Variants in SEZ6L2 observed in about 807,000 individuals in gnomAD.
SEZ6L2 encodes seizure 6-like protein 2.
Under a neutral mutation model 97.0 loss-of-function variants are expected in SEZ6L2, and 44 were observed. The ratio of observed to expected loss-of-function variants is 0.45; its 90% CI spans 0.36 to 0.58. The LOEUF (loss-of-function observed/expected upper bound fraction) is 0.58. Ranked by LOEUF, SEZ6L2 falls within the 20% of genes least tolerant of loss-of-function variation. The pLI is 0.00. For missense variants in SEZ6L2, 1,086 were observed against 1,233.3 expected, an observed-to-expected ratio of 0.88 and a Z score of 1.79; for synonymous variants, 543 against 546.1, an observed-to-expected ratio of 0.99 and a Z score of 0.08.
rs201885407 is a variant in SEZ6L2 at position 29,881,974 on chromosome 16, AT to A, written c.1373-1911del. On this transcript the variant is annotated intron_variant, in intron 8 of 17. Coordinates refer to ENST00000617533, the MANE Select transcript of SEZ6L2 (RefSeq NM_001243332.2). ...ATTTTTAATTTTATTTTAATATTTT[AT>A]TTTTTTATTTTTTGAGACTGAGTCT... Among the ~76,000 whole-genome samples the A allele has an allele frequency of 1.4e-3, 105 of 76,840 alleles. 1 individual carries two copies. In the East Asian group the frequency reaches 0.031, roughly 22 times the overall value. 50.4% of individuals were successfully genotyped at this position (76,840 alleles called of 152,430 possible).
chr16:29,888,874 G>A, intron 5 of SEZ6L2, 149 bp from the exon 6 acceptor site: 1 of 662,634 alleles, frequency 1.5e-6, no homozygotes, highest in Non-Finnish European at 2.4e-6. Flanking sequence ...AGAAATAAGA[G>A]CTCCTCACAC....
chr16:29,873,906 C>T lies in SEZ6L2; in HGVS notation c.2105-177G>A, dbSNP rs1051358952. ...GGATGATCGCTCGAACCCAGCAGGT[C>T]GAGGCTGCAGTGAATGGTGACCACG... On this transcript the variant is annotated intron_variant, in intron 12 of 17. Transcript: ENST00000617533. The surrounding 1 kb of genome is among the most constrained non-coding windows in gnomAD (Gnocchi z 4.3). Among the ~76,000 whole-genome samples the T allele has an allele frequency of 1.3e-5, 2 of 152,004 alleles. No homozygotes were observed. Among genetic ancestry groups the T allele is most frequent in the African/African-American group, 2.4e-5 (1 of 41,378 alleles).
In SEZ6L2 at chr16:29,873,800, C is replaced by T; in HGVS notation, c.2105-71G>A. 1 of 1,370,744 alleles carries T rather than the reference C, an allele frequency of 7.3e-7. No homozygotes were observed. 84.9% of individuals were successfully genotyped at this position (1,370,744 alleles called of 1,614,324 possible). ...ATCAGCCTGGGCAACACAGAGAGACCCCATCTCTACAAAAAATTGAAAAAT... is the reference window on the plus strand; with the variant it reads ...ATCAGCCTGGGCAACACAGAGAGACTCCATCTCTACAAAAAATTGAAAAAT... On this transcript the variant is annotated intron_variant, in intron 12 of 17. Transcript: ENST00000617533. The surrounding 1 kb of genome is among the most constrained non-coding windows in gnomAD (Gnocchi z 4.3).
chr16:29,895,205 C>T, intron 5 of SEZ6L2, 54 bp downstream of exon 5: 1 of 1,132,770 alleles, frequency 8.8e-7, no homozygotes, highest in Non-Finnish European at 1.3e-6. Flanking sequence ...AAAAAGATGT[C>T]CAGTGTATGC....
chr16:29,895,283 C>G lies in SEZ6L2; in HGVS notation c.829G>C (p.Gly277Arg), dbSNP rs199665116. 6.2e-7 allele frequency: 1 copy of G among 1,614,062 alleles called. No individual in the cohort carries two copies. The change falls in exon 5 of 18, where the codon GGT becomes CGT. Residue 277 changes from glycine to arginine, a missense_variant. This residue lies in a region of SEZ6L2 where 776 missense variants were observed against 794.7 expected (regional missense o/e 0.98). Transcript: ENST00000617533. Reference protein sequence around the residue: ...HFQSPRVPRGGGFRIHYQAYL... With the variant: ...HFQSPRVPRGRGFRIHYQAYL... ...CCCTGATAGTGGATCCTGAAGCCACCGCCCCTTGGGACCCGTGGGCTCTGG... is the reference window on the plus strand; with the variant it reads ...CCCTGATAGTGGATCCTGAAGCCACGGCCCCTTGGGACCCGTGGGCTCTGG...
chr16:29,877,647 G>A (rs905461907), intron 10 of SEZ6L2, among the ~76,000 whole-genome samples, 180 bp from the exon 11 acceptor site: 5 of 152,168 alleles, frequency 3.3e-5, no homozygotes, highest in African/African-American at 1.2e-4. Flanking sequence ...TCCTATGCTA[G>A]TGCCTCAGGG....
chr16:29,877,602 C>T (rs1042871814), intron 10 of SEZ6L2, 135 bp from the exon 11 acceptor site: 31 of 812,780 alleles, frequency 3.8e-5, no homozygotes, highest in South Asian at 6.0e-5. Context: ...TATCCCAGGT[C>T]TGGCGCCGCC....
At chr16:29,879,013 G>A (rs1444167342) in intron 9 of SEZ6L2, among the ~76,000 whole-genome samples, 2 of 146,934 alleles carry the variant, frequency 1.4e-5, no homozygotes, top group Non-Finnish European at 1.5e-5. Context: ...AGCGATTCTC[G>A]TGCCTCAGCC....
intron 2 of SEZ6L2, among the ~76,000 whole-genome samples, 156 bp downstream of exon 2, chr16:29,897,697 C>A (rs2150820166): frequency 6.6e-6 from 1 of 152,338 alleles, no homozygotes. Flanking sequence ...CTTTCTCTGA[C>A]AGTCTCGTTC....
chr16:29,881,408 T>C (rs2068027000), intron 8 of SEZ6L2, among the ~76,000 whole-genome samples: 1 of 152,146 alleles, frequency 6.6e-6, no homozygotes, highest in Non-Finnish European at 1.5e-5. Context: ...GTAGGTGTAT[T>C]GTCTCCTCAG....
At position 29,878,610 on chromosome 16, in the gene SEZ6L2, G is replaced by A. The variant is rs150598735; in HGVS notation, c.1574-185C>T. On this transcript the variant is annotated intron_variant, in intron 9 of 17. Coordinates refer to ENST00000617533, the MANE Select transcript of SEZ6L2 (RefSeq NM_001243332.2). ...TTTATTTTTAAATTTTTTTTGAGAC[G>A]GAGTCTCTCTGTCGCCCAGGCTGGA... Among the ~76,000 whole-genome samples, 527 of 151,112 alleles carry A rather than the reference G, an allele frequency of 3.5e-3. 3 individuals are homozygous for A. The highest frequency in any genetic ancestry group is 8.9e-3 in the East Asian group (46 of 5,172).
At chr16:29,891,555 C>T (rs756768705) in intron 5 of SEZ6L2, among the ~76,000 whole-genome samples, 1 of 152,048 alleles carries the variant, frequency 6.6e-6, no homozygotes, top group African/African-American at 2.4e-5. Flanking sequence ...ACAGGAGAAT[C>T]GCTTGAACCA....
At chr16:29,887,989 G>A (rs1418357978) in intron 6 of SEZ6L2, among the ~76,000 whole-genome samples, 172 bp from the exon 7 acceptor site, 1 of 152,214 alleles carries the variant, frequency 6.6e-6, no homozygotes, top group Non-Finnish European at 1.5e-5. Context: ...CTCCAGGCAT[G>A]AGCCAGGAAA....
chr16:29,872,268 G>A lies in SEZ6L2; in HGVS notation c.2661C>T (p.Ser887=), dbSNP rs769006407. ...YIYYTKLQGK[S]LFGFSGSHSY... ...AGTGGGAGCCCGAGAAGCCGAAAAG[G>A]GACTTTCCCTGAAGCCTGGGAAAGG... The change falls in exon 17 of 18, where the codon TCC becomes TCT. Residue 887 remains serine (S), a synonymous_variant. Coordinates refer to ENST00000617533, the MANE Select transcript of SEZ6L2 (RefSeq NM_001243332.2). 59 of 1,612,042 alleles carry A rather than the reference G, an allele frequency of 3.7e-5. No individual in the cohort carries two copies. The highest frequency in any genetic ancestry group is 8.4e-5 in the Admixed American group (5 of 59,666).
intron 10 of SEZ6L2, 73 bp from the exon 11 acceptor site, chr16:29,877,540 A>G: frequency 7.4e-7 from 1 of 1,356,954 alleles, no homozygotes; most frequent in South Asian, 1.4e-5. Flanking sequence ...CCCCATCCTC[A>G]ACTCTGCTCA....
chr16:29,871,913 C>T (rs1374025486), intron 17 of SEZ6L2, among the ~76,000 whole-genome samples, 185 bp from the exon 18 acceptor site: 4 of 152,122 alleles, frequency 2.6e-5, no homozygotes. Flanking sequence ...GAATTTCTGG[C>T]TTGTCTTGAA....
rs1366305841 is a variant in SEZ6L2, at chr16:29,872,173, G to A, written c.2742+14C>T. On this transcript the variant is annotated intron_variant, in intron 17 of 17. Transcript: ENST00000617533. ...GCCAAGTGGTGGCTCTTCAGGGGCA[G>A]GCAAGGTGCTTACCCCAGCTTCATA... 2.5e-6 allele frequency: 4 copies of A among 1,577,374 alleles called. No homozygotes were observed. Among genetic ancestry groups the A allele is most frequent in the Non-Finnish European group, 3.4e-6 (4 of 1,160,726 alleles).
chr16:29,874,907 C>T (rs2150780457), intron 12 of SEZ6L2, among the ~76,000 whole-genome samples: 2 of 152,136 alleles, frequency 1.3e-5, no homozygotes. Context: ...CGAGAACTTG[C>T]TCTGTCACTC....
intron 5 of SEZ6L2, among the ~76,000 whole-genome samples, chr16:29,893,647 CAAA>C (rs1313483790): frequency 1.2e-5 from 1 of 80,838 alleles, no homozygotes; most frequent in Non-Finnish European, 2.7e-5. Flanking sequence ...GACTCTGTCT[CAAA>C]AAAAAAAAAA....
Sources: gnomAD v4.1 joint callset for allele counts (sites outside exome capture counted in the v4.1 genomes callset) on GRCh38, gnomAD v4.1.1 for gene constraint, gnomAD v4.1.1 regional missense constraint, Gnocchi (gnomAD v3.1) non-coding constraint, MANE v1.5 for transcripts, NCBI Gene and HGNC (gene_info 2026-07-23, HGNC 2026-07-21) for gene names.